The following UTRN variants were observed in gnomAD, a reference collection of about 807,000 sequenced individuals.
The protein encoded by UTRN is utrophin.
In UTRN, 283 loss-of-function variants were observed where a neutral mutation model predicts 463.9. The ratio of observed to expected loss-of-function variants is 0.61; its 90% confidence interval spans 0.55 to 0.67. The LOEUF is 0.67. Among genes scored for constraint, UTRN ranks in the 30% least tolerant of loss-of-function variants. UTRN has a pLI of 0.00. For synonymous variants in UTRN, 1,442 were observed against 1,431.5 expected, an observed-to-expected ratio of 1.01 and a Z score of -0.17; for missense variants, 3,922 against 4,084.3, an observed-to-expected ratio of 0.96 and a Z score of 1.08.
chr6:144,484,842 G>C (rs1010867047), intron 27 of UTRN, among the ~76,000 whole-genome samples: 40 of 152,034 alleles, frequency 2.6e-4, no homozygotes, highest in African/African-American at 7.7e-4. Context: ...TTATTTTAAA[G>C]AGTGAGGCAG....
intron 65 of UTRN, among the ~76,000 whole-genome samples, chr6:144,805,948 A>G (rs1297155620): frequency 6.6e-6 from 1 of 152,204 alleles, no homozygotes; most frequent in Non-Finnish European, 1.5e-5. Context: ...CCTGGGGATC[A>G]TTGTAAGGAA....
chr6:144,704,735 A>AGGC (rs920809354), intron 53 of UTRN, among the ~76,000 whole-genome samples: 219 of 152,264 alleles, frequency 1.4e-3, no homozygotes, highest in African/African-American at 5.0e-3. Context: ...AGGCTAAGGC[A>AGGC]GGCGGATCAT....
chr6:144,598,501 C>T (rs1018121562), intron 51 of UTRN, among the ~76,000 whole-genome samples: 5 of 152,088 alleles, frequency 3.3e-5, no homozygotes, highest in East Asian at 1.9e-4. Flanking sequence ...GACATAAAAA[C>T]GTACCAGACT....
chr6:144,365,997 C>G (rs1472411003), intron 2 of UTRN, among the ~76,000 whole-genome samples: 1 of 152,202 alleles, frequency 6.6e-6, no homozygotes, highest in African/African-American at 2.4e-5. Context: ...CTCGGCCTCC[C>G]AAAGTGCTGG....
intron 39 of UTRN, among the ~76,000 whole-genome samples, chr6:144,517,222 A>C (rs983588705): frequency 1.8e-4 from 28 of 152,096 alleles, no homozygotes; most frequent in South Asian, 2.1e-4. Context: ...GGCTTCCTCC[A>C]ATTCCATATT....
intron 69 of UTRN, among the ~76,000 whole-genome samples, chr6:144,829,715 A>AG (rs1444385574): frequency 6.6e-5 from 10 of 151,968 alleles, no homozygotes; most frequent in Non-Finnish European, 1.5e-4. Flanking sequence ...TCACTAAAAA[A>AG]AAAAAAAAAC....
At chr6:144,296,535 C>A (rs1490859341) in intron 2 of UTRN, among the ~76,000 whole-genome samples, 2 of 152,160 alleles carry the variant, frequency 1.3e-5, no homozygotes, top group Non-Finnish European at 2.9e-5. Context: ...AATAGGTGAG[C>A]AATAAATGTT....
At chr6:144,424,924 T>G (rs1326352456) in intron 6 of UTRN, among the ~76,000 whole-genome samples, 1 of 152,220 alleles carries the variant, frequency 6.6e-6, no homozygotes, top group African/African-American at 2.4e-5. Flanking sequence ...TGCCAATTAT[T>G]GATTATTAAA....
At position 144,331,128 on chromosome 6, in the gene UTRN, C is replaced by G. The variant is rs1296478681; in HGVS notation, c.79+39221C>G. On this transcript the variant is annotated intron_variant, in intron 2 of 74. Transcript: ENST00000367545. ...ATTAGTGTGAAAATTACTGAGTTAACAGATTCTAAATTATTTTGTCCTCTG... is the reference window on the plus strand; with the variant it reads ...ATTAGTGTGAAAATTACTGAGTTAAGAGATTCTAAATTATTTTGTCCTCTG... The G allele has an allele frequency of 1.8e-5, 13 of 719,088 alleles. No individual in the cohort carries two copies. In the East Asian group the frequency reaches 1.5e-3, roughly 81 times the overall value. 44.5% of individuals were successfully genotyped at this position (719,088 alleles called of 1,614,324 possible). A position where few individuals can be genotyped will look rare whatever the true frequency, so the allele number is the denominator to read the frequency against.
intron 2 of UTRN, among the ~76,000 whole-genome samples, chr6:144,371,925 A>T (rs1780024306): frequency 6.6e-6 from 1 of 152,188 alleles, no homozygotes; most frequent in South Asian, 2.1e-4. Context: ...GACTATTTAC[A>T]ATGTTTGCAT....
intron 2 of UTRN, among the ~76,000 whole-genome samples, chr6:144,335,735 G>T (rs1426480654): frequency 6.6e-6 from 1 of 152,120 alleles, no homozygotes; most frequent in Non-Finnish European, 1.5e-5. Context: ...AAACTCTCAA[G>T]TGATAATTGT....
rs80110270 is a variant in UTRN at position 144,771,916 on chromosome 6, A to G, written c.8505A>G (p.Thr2835=). 67,781 of 1,589,738 alleles carry G rather than the reference A, an allele frequency of 0.043. 1,612 individuals carry two copies. Among genetic ancestry groups the G allele is most frequent in the South Asian group, 0.048 (4,143 of 85,566 alleles). The change falls in exon 59 of 75, where the codon ACA becomes ACG. Residue 2835 remains threonine (T), a synonymous_variant. Transcript: ENST00000367545. ...TACCTTTTTTTTCCAGCCATCAAAC[A>G]CAGACCACCTGTTGGGACCATCCTA... The part of the protein sequence containing the change: ...NKVPYYINHQ[T]QTTCWDHPKM...
intron 51 of UTRN, among the ~76,000 whole-genome samples, chr6:144,584,988 T>C (rs1359003830): frequency 6.6e-6 from 1 of 152,092 alleles, no homozygotes; most frequent in Non-Finnish European, 1.5e-5. Flanking sequence ...GTATAAAGCT[T>C]TCTTTTTTTT....
chr6:144,684,571 G>A (rs1195808463), intron 52 of UTRN, among the ~76,000 whole-genome samples: 2 of 152,128 alleles, frequency 1.3e-5, no homozygotes, highest in African/African-American at 4.8e-5. Context: ...GAGATCAAGG[G>A]CAGACTGTTT....
chr6:144,499,186 A>G, intron 33 of UTRN, 71 bp from the exon 34 acceptor site: 2 of 1,491,406 alleles, frequency 1.3e-6, no homozygotes, highest in African/African-American at 1.4e-5. Flanking sequence ...TTTAGTTAAC[A>G]TTCTGATTCA....
At chr6:144,585,587 A>C (rs189864420) in intron 51 of UTRN, among the ~76,000 whole-genome samples, 109 of 152,288 alleles carry the variant, frequency 7.2e-4, no homozygotes, top group African/African-American at 2.5e-3. Flanking sequence ...AATGTAATGA[A>C]ATGAAAATTT....
At chr6:144,829,505 C>T (rs775795387) in intron 69 of UTRN, among the ~76,000 whole-genome samples, 9 of 151,764 alleles carry the variant, frequency 5.9e-5, no homozygotes, top group Non-Finnish European at 1.3e-4. Flanking sequence ...ACTGATTATC[C>T]CACTATTGTG....
chr6:144,713,920 C>CAA lies in UTRN; in HGVS notation c.7809+13694_7809+13695dup, dbSNP rs535219098. ...GGGAAACAAGAGTGAAACTCTGTCT[C>CAA]AAAAAAAAAAAAAAAAAAGTACAGG... On this transcript the variant is annotated intron_variant, in intron 53 of 74. Transcript: ENST00000367545. Among the ~76,000 whole-genome samples, 151 of 101,108 alleles carry CAA rather than the reference C, an allele frequency of 1.5e-3. 2 individuals are homozygous for CAA. Among genetic ancestry groups the CAA allele is most frequent in the East Asian group, 7.0e-3 (27 of 3,880 alleles). The allele number at this position is 101,108 out of a possible 152,430, so 66.3% of individuals were successfully genotyped here. A position where few individuals can be genotyped will look rare whatever the true frequency, so the allele number is the denominator to read the frequency against.
At chr6:144,489,010 G>T (rs966697234) in intron 30 of UTRN, among the ~76,000 whole-genome samples, 176 bp downstream of exon 30, 1 of 148,084 alleles carries the variant, frequency 6.8e-6, no homozygotes, top group African/African-American at 2.6e-5. Flanking sequence ...GTGAGACTCT[G>T]GCAAAAGTCT....
Sources: allele counts gnomAD v4.1 joint callset (sites outside exome capture counted in the v4.1 genomes callset), GRCh38; gene constraint gnomAD v4.1.1; transcripts MANE v1.5; gene names NCBI Gene and HGNC (gene_info 2026-07-23, HGNC 2026-07-21).